Variants in CD84 observed in about 807,000 individuals in gnomAD.
CD84 encodes SLAM family member 5.
In CD84, 22 loss-of-function variants were observed where a neutral mutation model predicts 33.8. The observed-to-expected ratio is 0.65, with a 90% CI of 0.46 to 0.93. The LOEUF (loss-of-function observed/expected upper bound fraction) is 0.93. Among genes scored for constraint, CD84 ranks in the 40% least tolerant of loss-of-function variants. The pLI is 0.00. For synonymous variants in CD84, 154 were observed against 145.2 expected, an observed-to-expected ratio of 1.06 and a Z score of -0.44; for missense variants, 400 against 397.6, an observed-to-expected ratio of 1.01 and a Z score of -0.05.
Position 160,565,576 on chromosome 1 carries a change from G to T in CD84, c.216C>A (p.Pro72=), listed in dbSNP as rs749987969. 3.1e-6 allele frequency: 5 copies of T among 1,613,954 alleles called. No homozygotes were observed. The highest frequency in any genetic ancestry group is 4.2e-6 in the Non-Finnish European group (5 of 1,179,892). ...YVTPGDSETA[P]VVTVTHRNYY... ...AATTTCTGTGGGTCACAGTAACTAC[G>T]GGTGCTGTTTCTGAGTCTCCTGGTG... Residue 72 remains proline (P), a synonymous_variant, in exon 2 of 7, where the codon CCC becomes CCA. Transcript: ENST00000368054.
chr1:160,557,512 T>A (rs926989577), intron 2 of CD84, among the ~76,000 whole-genome samples: 9 of 152,232 alleles, frequency 5.9e-5, no homozygotes, highest in Non-Finnish European at 1.2e-4. Flanking sequence ...CAACATGGAT[T>A]ACCCACATTT....
At chr1:160,575,010 A>G (rs1278111877) in intron 1 of CD84, among the ~76,000 whole-genome samples, 1 of 152,252 alleles carries the variant, frequency 6.6e-6, no homozygotes, top group East Asian at 1.9e-4. Context: ...TAAAGTCAGC[A>G]AGTAGCTATT....
At chr1:160,574,852 T>C (rs549521122) in intron 1 of CD84, among the ~76,000 whole-genome samples, 2 of 152,324 alleles carry the variant, frequency 1.3e-5, no homozygotes, top group Admixed American at 6.5e-5. Context: ...TGAATTGATA[T>C]TTGTAGACCT....
At chr1:160,558,212 C>T (rs1327951590) in intron 2 of CD84, among the ~76,000 whole-genome samples, 2 of 152,230 alleles carry the variant, frequency 1.3e-5, no homozygotes. Context: ...CCCTAGCCAC[C>T]TCCTACAGGT....
At chr1:160,560,469 G>A (rs1656878564) in intron 2 of CD84, among the ~76,000 whole-genome samples, 2 of 152,146 alleles carry the variant, frequency 1.3e-5, no homozygotes. Context: ...CAATGTACCA[G>A]AATCTCTGCA....
intron 2 of CD84, among the ~76,000 whole-genome samples, chr1:160,557,538 A>G (rs548987584): frequency 6.6e-6 from 1 of 152,228 alleles, no homozygotes; most frequent in Non-Finnish European, 1.5e-5. Context: ...TTTTTCTGCA[A>G]TGAGGCAGAT....
rs112172541 is a variant in CD84, at chr1:160,565,396, T to A, written c.388+8A>T. The A allele has an allele frequency of 1.6e-4, 251 of 1,576,730 alleles. 1 individual carries two copies. The African/African-American group carries it at 2.8e-3, about 18-fold the overall frequency. On this transcript the variant is annotated splice_region_variant and intron_variant, in intron 2 of 6. Coordinates refer to ENST00000368054, the MANE Select transcript of CD84 (RefSeq NM_003874.4). ...AAAACACAAGCTCTCCGTCTTCCCATGACTTACGATAGATTTGCAGGTTGT... is the reference window on the plus strand; with the variant it reads ...AAAACACAAGCTCTCCGTCTTCCCAAGACTTACGATAGATTTGCAGGTTGT...
chr1:160,567,340 G>A (rs1657394312), intron 1 of CD84, among the ~76,000 whole-genome samples: 2 of 152,324 alleles, frequency 1.3e-5, no homozygotes, highest in African/African-American at 4.8e-5. Context: ...ACCACTGAAA[G>A]AGCCCCAGGA....
intron 1 of CD84, among the ~76,000 whole-genome samples, chr1:160,566,749 C>A (rs1657352182): frequency 6.6e-6 from 1 of 152,156 alleles, no homozygotes; most frequent in Admixed American, 6.5e-5. Context: ...AGCAAGGGGA[C>A]TTGATCTGTT....
chr1:160,546,335 C>T lies in CD84; in HGVS notation c.*1921G>A, dbSNP rs879570072. The T allele has an allele frequency of 6.6e-6, 1 of 152,172 alleles. No individual in the cohort carries two copies. The highest frequency in any genetic ancestry group is 1.5e-5 in the Non-Finnish European group (1 of 68,030). 9.4% of individuals were successfully genotyped at this position (152,172 alleles called of 1,614,324 possible). A position where few individuals can be genotyped will look rare whatever the true frequency, so the allele number is the denominator to read the frequency against. Reference sequence around the variant, plus strand: ...CACATGTACAATGTAGTGAGGAAAACAAATAATTAGTTATGCTGTAAGGCT... The same window carrying T: ...CACATGTACAATGTAGTGAGGAAAATAAATAATTAGTTATGCTGTAAGGCT... On this transcript the variant is annotated 3_prime_UTR_variant, in exon 7 of 7. Transcript: ENST00000368054.
At chr1:160,575,095 CCAGA>C (rs1343122246) in intron 1 of CD84, among the ~76,000 whole-genome samples, 1 of 152,134 alleles carries the variant, frequency 6.6e-6, no homozygotes, top group Non-Finnish European at 1.5e-5. Flanking sequence ...TTAGGATCCT[CCAGA>C]CAAACATTTC....
At chr1:160,563,211 A>G (rs1401484765) in intron 2 of CD84, among the ~76,000 whole-genome samples, 1 of 152,230 alleles carries the variant, frequency 6.6e-6, no homozygotes, top group Non-Finnish European at 1.5e-5. Flanking sequence ...ACCTAGAGGC[A>G]GAAATACCAT....
At chr1:160,552,529 A>G (rs976434125) in intron 4 of CD84, among the ~76,000 whole-genome samples, 1 of 152,232 alleles carries the variant, frequency 6.6e-6, no homozygotes, top group Admixed American at 6.5e-5. Flanking sequence ...TGAATATTTT[A>G]CAACTGAGAA....
chr1:160,541,381 C>G lies in CD84; in HGVS notation c.*6875G>C, dbSNP rs1655533382. 6.6e-6 allele frequency: 1 copy of G among 152,112 alleles called. No individual in the cohort carries two copies. The highest frequency in any genetic ancestry group is 6.5e-5 in the Admixed American group (1 of 15,282). 9.4% of individuals were successfully genotyped at this position (152,112 alleles called of 1,614,324 possible). ...CCTTTTTTTGAGGAACTGAGGCACT[C>G]AGACACAAAACACAAAATTAGGCAC... On this transcript the variant is annotated 3_prime_UTR_variant, in exon 7 of 7. Transcript: ENST00000368054.
Position 160,541,177 on chromosome 1 carries a change from T to C in CD84, c.*7079A>G, listed in dbSNP as rs1018054887. 6.6e-6 allele frequency: 1 copy of C among 152,174 alleles called. No individual in the cohort carries two copies. The highest frequency in any genetic ancestry group is 1.9e-4 in the East Asian group (1 of 5,200). The allele number at this position is 152,174 out of a possible 1,614,324, so 9.4% of individuals were successfully genotyped here. On this transcript the variant is annotated 3_prime_UTR_variant, in exon 7 of 7. Transcript: ENST00000368054. ...TTTCTTAGGCACTTACAAGGTAAAA[T>C]TTATGAACCATACTTTATTAATGGG...
rs1425637534 is a variant in CD84 at position 160,546,069 on chromosome 1, A to C, written c.*2187T>G. On this transcript the variant is annotated 3_prime_UTR_variant, in exon 7 of 7. Coordinates refer to ENST00000368054, the MANE Select transcript of CD84 (RefSeq NM_003874.4). ...AGTGGTGTGATCTCAGCTCACTGCA[A>C]CCTCCACTTCCTGGGTTCAAGCGAT... 6 of 150,194 alleles carry C rather than the reference A, an allele frequency of 4.0e-5. No individual in the cohort carries two copies. Among genetic ancestry groups the C allele is most frequent in the African/African-American group, 1.5e-4 (6 of 40,962 alleles). The allele number at this position is 150,194 out of a possible 1,614,324, so 9.3% of individuals were successfully genotyped here. A position where few individuals can be genotyped will look rare whatever the true frequency, so the allele number is the denominator to read the frequency against.
At chr1:160,552,561 A>G in intron 4 of CD84, 1 of 614,988 alleles carries the variant, frequency 1.6e-6, no homozygotes, top group Admixed American at 2.6e-5. Context: ...ACAATGATAA[A>G]AAAACTGGTA....
intron 6 of CD84, 102 bp from the exon 7 acceptor site, chr1:160,548,423 A>G (rs1178212143): frequency 4.2e-6 from 5 of 1,194,034 alleles, no homozygotes; most frequent in South Asian, 2.6e-5. Flanking sequence ...GCACGGGGGA[A>G]TGCCTTAGAT....
intron 5 of CD84, chr1:160,550,729 G>A: frequency 4.1e-6 from 4 of 985,292 alleles, no homozygotes; most frequent in Non-Finnish European, 4.8e-6. Flanking sequence ...AGCCCATGGA[G>A]GCTGCCATGG....
Sources: allele counts gnomAD v4.1 joint callset (sites outside exome capture counted in the v4.1 genomes callset), GRCh38; gene constraint gnomAD v4.1.1; transcripts MANE v1.5; gene names NCBI Gene and HGNC (gene_info 2026-07-23, HGNC 2026-07-21).